The following CSMD1 variants were observed in gnomAD, a reference collection of about 807,000 sequenced individuals.
The protein encoded by CSMD1 is CUB and sushi domain-containing protein 1.
In CSMD1, 213 loss-of-function variants were observed where a neutral mutation model predicts 417.5. That is an observed-to-expected ratio of 0.51 (90% CI 0.46 to 0.57). The LOEUF (loss-of-function observed/expected upper bound fraction) is 0.57, where lower values mean the gene tolerates loss of function less well. Among genes scored for constraint, CSMD1 ranks in the 20% least tolerant of loss-of-function variants. CSMD1 has a pLI of 0.00. For missense variants in CSMD1, 6,923 were observed against 4,529.7 expected, an observed-to-expected ratio of 1.53 and a Z score of -15.17; for synonymous variants, 2,862 against 1,736.8, an observed-to-expected ratio of 1.65 and a Z score of -16.11.
At chr8:3,023,421 G>C (rs1487128783) in intron 51 of CSMD1, among the ~76,000 whole-genome samples, 2 of 152,136 alleles carry the variant, frequency 1.3e-5, no homozygotes, top group African/African-American at 2.4e-5. Context: ...AATGTAATAA[G>C]ACAAGAGTAA....
chr8:4,987,438 C>T (rs909318615), intron 1 of CSMD1, among the ~76,000 whole-genome samples: 1 of 152,080 alleles, frequency 6.6e-6, no homozygotes, highest in African/African-American at 2.4e-5. Context: ...TTAATTCCAT[C>T]GGGGTTCATG....
intron 7 of CSMD1, among the ~76,000 whole-genome samples, chr8:3,701,011 G>A (rs1237974794): frequency 6.6e-6 from 1 of 151,830 alleles, no homozygotes; most frequent in Admixed American, 6.6e-5. Flanking sequence ...GGGGTAACGA[G>A]AAAGGCTTGG....
At chr8:4,203,055 G>C (rs959500553) in intron 3 of CSMD1, among the ~76,000 whole-genome samples, 19 of 152,332 alleles carry the variant, frequency 1.2e-4, no homozygotes, top group African/African-American at 3.8e-4. Context: ...ACAGGTGTGA[G>C]AGTTAAGGAT....
chr8:4,726,140 C>T (rs1809423005), intron 1 of CSMD1, among the ~76,000 whole-genome samples: 1 of 152,034 alleles, frequency 6.6e-6, no homozygotes, highest in South Asian at 2.1e-4. Flanking sequence ...TCTGGGCGAG[C>T]CATTTGCATC....
intron 26 of CSMD1, among the ~76,000 whole-genome samples, chr8:3,263,080 T>C (rs137942364): frequency 8.3e-4 from 126 of 152,328 alleles, no homozygotes; most frequent in African/African-American, 2.6e-3. Context: ...TAATTGTCCT[T>C]ATATGTTTTC....
At chr8:4,215,197 G>C (rs1205733588) in intron 3 of CSMD1, among the ~76,000 whole-genome samples, 1 of 152,180 alleles carries the variant, frequency 6.6e-6, no homozygotes, top group Non-Finnish European at 1.5e-5. Context: ...CGGCATAAAG[G>C]CTTAACCAGC....
At chr8:3,490,219 A>G (rs886285100) in intron 11 of CSMD1, among the ~76,000 whole-genome samples, 10 of 152,116 alleles carry the variant, frequency 6.6e-5, no homozygotes, top group Admixed American at 4.6e-4. Flanking sequence ...CGGCTGCATT[A>G]TGTTTCCCAA....
chr8:4,315,769 A>T (rs1349481937), intron 3 of CSMD1, among the ~76,000 whole-genome samples: 1 of 151,608 alleles, frequency 6.6e-6, no homozygotes, highest in Non-Finnish European at 1.5e-5. Flanking sequence ...TGGTCATTTC[A>T]TTTCAAAACA....
At chr8:4,058,682 A>G (rs556856284) in intron 3 of CSMD1, among the ~76,000 whole-genome samples, 63 of 142,586 alleles carry the variant, frequency 4.4e-4, no homozygotes, top group African/African-American at 1.6e-3. Context: ...ACAAAGATCA[A>G]AAGAGACAAA....
intron 5 of CSMD1, among the ~76,000 whole-genome samples, chr8:3,971,723 T>C (rs1016734005): frequency 3.3e-5 from 5 of 152,182 alleles, no homozygotes; most frequent in Non-Finnish European, 7.3e-5. Flanking sequence ...AGTGAGTTTC[T>C]CGTAGACCAC....
intron 5 of CSMD1, among the ~76,000 whole-genome samples, chr8:3,846,079 C>T (rs956559803): frequency 7.2e-6 from 1 of 138,062 alleles, no homozygotes; most frequent in African/African-American, 2.6e-5. Context: ...AAATAATAAG[C>T]AGCAGTAGAC....
intron 2 of CSMD1, among the ~76,000 whole-genome samples, chr8:4,459,774 G>A (rs568651149): frequency 6.6e-6 from 1 of 152,180 alleles, no homozygotes; most frequent in Non-Finnish European, 1.5e-5. Flanking sequence ...CCAGAACTAT[G>A]AGAAAATTAA....
At chr8:4,563,792 G>A (rs548676964) in intron 2 of CSMD1, among the ~76,000 whole-genome samples, 2 of 152,094 alleles carry the variant, frequency 1.3e-5, no homozygotes, top group Non-Finnish European at 2.9e-5. Context: ...AAATGTTTCT[G>A]TCCCCAATGT....
rs149019309 is a variant in CSMD1 at position 3,639,797 on chromosome 8, A to G, written c.1010-23000T>C. Among the ~76,000 whole-genome samples the G allele has an allele frequency of 3.1e-4, 47 of 152,282 alleles. No individual in the cohort carries two copies. The East Asian group carries it at 6.9e-3, about 22-fold the overall frequency. ...TCATAATCTTCTAACTACTCATCCT[A>G]TTTTGGTTCAGGGCAATGGACCTAA... On this transcript the variant is annotated intron_variant, in intron 7 of 69. Transcript: ENST00000635120.
chr8:4,630,553 TA>T (rs1802449704), intron 2 of CSMD1, among the ~76,000 whole-genome samples: 1 of 152,006 alleles, frequency 6.6e-6, no homozygotes, highest in South Asian at 2.1e-4. Flanking sequence ...GTCACTAATT[TA>T]AAGCATATGT....
At chr8:3,947,361 G>A (rs537156136) in intron 5 of CSMD1, among the ~76,000 whole-genome samples, 11 of 152,224 alleles carry the variant, frequency 7.2e-5, no homozygotes, top group South Asian at 2.1e-4. Context: ...AACCAATCTC[G>A]TATTCCTGAA....
intron 3 of CSMD1, among the ~76,000 whole-genome samples, chr8:4,302,582 G>T (rs1467394151): frequency 6.6e-6 from 1 of 152,112 alleles, no homozygotes; most frequent in African/African-American, 2.4e-5. Flanking sequence ...AACCCTATAC[G>T]ATAATGCACC....
intron 2 of CSMD1, among the ~76,000 whole-genome samples, chr8:4,542,064 G>T (rs1177781949): frequency 6.6e-6 from 1 of 152,050 alleles, no homozygotes; most frequent in African/African-American, 2.4e-5. Context: ...TGTGCAATGG[G>T]CGCCCTCTAG....
intron 49 of CSMD1, among the ~76,000 whole-genome samples, chr8:3,080,206 C>T (rs1472820005): frequency 6.6e-6 from 1 of 152,176 alleles, no homozygotes; most frequent in Non-Finnish European, 1.5e-5. Context: ...GAAAGCAGTG[C>T]ACTCTGATGT....
Sources: allele counts gnomAD v4.1 joint callset (sites outside exome capture counted in the v4.1 genomes callset), GRCh38; gene constraint gnomAD v4.1.1; transcripts MANE v1.5; gene names NCBI Gene and HGNC (gene_info 2026-07-23, HGNC 2026-07-21).